CMIP: variants seen among roughly 807,000 people sequenced by gnomAD.
CMIP encodes c-Maf inducing protein.
A neutral mutation model predicts 97.3 loss-of-function variants in CMIP; 13 were observed. That is an observed-to-expected ratio of 0.13 (90% CI 0.09 to 0.21). The LOEUF is 0.21. Among genes scored for constraint, CMIP ranks in the 10% least tolerant of loss-of-function variants. The probability of loss-of-function intolerance (pLI) is 1.00; values close to 1 mark genes in which losing one functional copy is unlikely to be tolerated. For missense variants in CMIP, 847 were observed against 1,024.9 expected (o/e 0.83, Z 2.37); for synonymous variants, 538 against 436.3 (o/e 1.23, Z -2.91).
intron 1 of CMIP, among the ~76,000 whole-genome samples, chr16:81,546,857 T>C (rs756971800): frequency 6.6e-6 from 1 of 152,174 alleles, no homozygotes; most frequent in African/African-American, 2.4e-5. Flanking sequence ...AAATTCAGCT[T>C]GTGAGGCACG....
chr16:81,537,312 A>T (rs1258690543), intron 1 of CMIP, among the ~76,000 whole-genome samples: 1 of 151,996 alleles, frequency 6.6e-6, no homozygotes, highest in African/African-American at 2.4e-5. Context: ...AGGTGGGCGG[A>T]TCACTTGAGG....
intron 13 of CMIP, among the ~76,000 whole-genome samples, chr16:81,694,737 C>A (rs1053994229): frequency 6.6e-6 from 1 of 152,180 alleles, no homozygotes; most frequent in African/African-American, 2.4e-5. Flanking sequence ...GAACAAGCAT[C>A]CCAAGTGGTT....
chr16:81,495,608 G>T, intron 1 of CMIP: 1 of 1,105,364 alleles, frequency 9.0e-7, no homozygotes, highest in African/African-American at 1.6e-5. Flanking sequence ...CTCAGAGGGT[G>T]GGCAGGTGTG....
At chr16:81,553,759 G>A (rs1002433786) in intron 1 of CMIP, among the ~76,000 whole-genome samples, 7 of 150,486 alleles carry the variant, frequency 4.7e-5, no homozygotes, top group African/African-American at 1.7e-4. Context: ...AGGCAGCATG[G>A]CCAAGATTCC....
At chr16:81,692,475 A>G (rs549677563) in intron 11 of CMIP, among the ~76,000 whole-genome samples, 13 of 152,336 alleles carry the variant, frequency 8.5e-5, no homozygotes, top group Admixed American at 7.2e-4. Flanking sequence ...AAATGCCTCC[A>G]GGTCTCTTTC....
chr16:81,535,480 T>C (rs1368630702), intron 1 of CMIP, among the ~76,000 whole-genome samples: 1 of 151,912 alleles, frequency 6.6e-6, no homozygotes, highest in Non-Finnish European at 1.5e-5. Context: ...TTTTTTTTTT[T>C]TTTTTAAACA....
chr16:81,590,781 G>T (rs960695010), intron 1 of CMIP, among the ~76,000 whole-genome samples: 2 of 152,102 alleles, frequency 1.3e-5, no homozygotes, highest in Admixed American at 1.3e-4. Context: ...TTGGTTCTCT[G>T]TGCAAAGAAA....
chr16:81,593,589 CA>C (rs1883883528), intron 1 of CMIP, among the ~76,000 whole-genome samples: 1 of 152,222 alleles, frequency 6.6e-6, no homozygotes, highest in African/African-American at 2.4e-5. Context: ...GCTTGGCAAG[CA>C]TTTCAGCAAA....
intron 1 of CMIP, among the ~76,000 whole-genome samples, chr16:81,522,322 C>T (rs2090044296): frequency 6.6e-6 from 1 of 152,194 alleles, no homozygotes; most frequent in African/African-American, 2.4e-5. Flanking sequence ...GACACAGCTT[C>T]AGTGCTGCTC....
At chr16:81,473,637 C>CT (rs35652215) in intron 1 of CMIP, among the ~76,000 whole-genome samples, 55,336 of 151,500 alleles carry the variant, frequency 0.37, 10,710 homozygotes, top group African/African-American at 0.5. Flanking sequence ...GGCTTGGACG[C>CT]TTGTGTTGGA....
At chr16:81,597,447 G>A (rs112306879) in intron 1 of CMIP, among the ~76,000 whole-genome samples, 1,932 of 152,276 alleles carry the variant, frequency 0.013, 38 homozygotes, top group African/African-American at 0.042. Context: ...AGCTGTGTGC[G>A]GTTGGTCAAG....
chr16:81,591,384 T>C (rs968516100), intron 1 of CMIP, among the ~76,000 whole-genome samples: 1 of 152,194 alleles, frequency 6.6e-6, no homozygotes, highest in Non-Finnish European at 1.5e-5. Flanking sequence ...CTGGAGACAG[T>C]GCACAGAAGG....
chr16:81,706,020 G>A (rs1314171973), intron 19 of CMIP, among the ~76,000 whole-genome samples: 3 of 152,188 alleles, frequency 2.0e-5, no homozygotes, highest in Non-Finnish European at 1.5e-5. Context: ...CTCAGACACC[G>A]TACGGTAAGC....
At chr16:81,624,980 T>C (rs2092041642) in intron 3 of CMIP, among the ~76,000 whole-genome samples, 1 of 152,246 alleles carries the variant, frequency 6.6e-6, no homozygotes, top group Admixed American at 6.5e-5. Context: ...ATTTTGTGAA[T>C]TACTTCCTCT....
intron 10 of CMIP, among the ~76,000 whole-genome samples, chr16:81,686,371 G>A (rs1039761494): frequency 6.6e-6 from 1 of 152,174 alleles, no homozygotes; most frequent in Non-Finnish European, 1.5e-5. Flanking sequence ...GGCTCCTGCA[G>A]CTCTGAGAAC....
At chr16:81,613,007 G>C (rs2091856867) in intron 2 of CMIP, among the ~76,000 whole-genome samples, 1 of 152,206 alleles carries the variant, frequency 6.6e-6, no homozygotes, top group African/African-American at 2.4e-5. Context: ...ACGCAGCCTG[G>C]TCAGCTTTCC....
At chr16:81,527,589 C>T (rs867180227) in intron 1 of CMIP, among the ~76,000 whole-genome samples, 6 of 152,222 alleles carry the variant, frequency 3.9e-5, no homozygotes, top group South Asian at 4.1e-4. Flanking sequence ...TCAGACTTTT[C>T]CCAGAGACCA....
intron 1 of CMIP, among the ~76,000 whole-genome samples, chr16:81,525,691 GACCATCCACC>G (rs1385506519): frequency 6.6e-6 from 1 of 152,002 alleles, no homozygotes; most frequent in Non-Finnish European, 1.5e-5. Context: ...ATTGTCATGC[GACCATCCACC>G]ATCATCCATC....
intron 13 of CMIP, chr16:81,695,294 A>T (rs1022341684): frequency 3.3e-5 from 5 of 152,148 alleles, no homozygotes; most frequent in African/African-American, 1.2e-4. Flanking sequence ...AATGAAGCCA[A>T]AGTTGTTTCC....
Sources: allele counts gnomAD v4.1 joint callset (sites outside exome capture counted in the v4.1 genomes callset), GRCh38; gene constraint gnomAD v4.1.1; transcripts MANE v1.5; gene names NCBI Gene and HGNC (gene_info 2026-07-23, HGNC 2026-07-21).